Variants in ZNF362 observed in about 807,000 individuals in gnomAD.
The protein encoded by ZNF362 is zinc finger protein 362, also known as rotund homolog.
Under a neutral mutation model 42.9 loss-of-function variants are expected in ZNF362, and 11 were observed. The observed-to-expected ratio is 0.26, with a 90% CI of 0.16 to 0.42. ZNF362 has a LOEUF of 0.42. ZNF362 is among the 20% of genes least tolerant of loss of function. ZNF362 has a pLI of 1.00. For synonymous variants in ZNF362, 255 were observed against 257.3 expected (o/e 0.99, Z 0.09); for missense variants, 362 against 576.2 (o/e 0.63, Z 3.81).
chr1:33,147,086 C>T, the ZNF362 span: 26 of 1,450,646 alleles, frequency 1.8e-5, no homozygotes, highest in East Asian at 1.8e-4. This position sits in a 1 kb window ranked among gnomAD's most constrained non-coding sequence, Gnocchi z 8.1. Flanking sequence ...CCAGTGGCCA[C>T]GGTGGGCTGG....
the ZNF362 span, among the ~76,000 whole-genome samples, chr1:33,207,654 G>C: frequency 1.3e-5 from 2 of 152,212 alleles, no homozygotes; most frequent in East Asian, 3.8e-4. Flanking sequence ...TAACTGGCGT[G>C]AGATGGTATC....
At chr1:33,275,404 GC>G in intron 2 of ZNF362, 1 of 984,916 alleles carries the variant, frequency 1.0e-6, no homozygotes, top group Non-Finnish European at 1.2e-6. Context: ...AGCCTCTTCA[GC>G]CCCCTCCATA....
At chr1:33,271,661 T>C (rs995310056) in intron 2 of ZNF362, among the ~76,000 whole-genome samples, 19 of 152,066 alleles carry the variant, frequency 1.2e-4, no homozygotes, top group African/African-American at 4.3e-4. Context: ...CCTGAGGACA[T>C]GGCTGAGATG....
the ZNF362 span, among the ~76,000 whole-genome samples, chr1:33,167,474 C>T: frequency 6.6e-6 from 1 of 152,192 alleles, no homozygotes; most frequent in Non-Finnish European, 1.5e-5. The surrounding 1 kb of genome is among the most constrained non-coding windows in gnomAD (Gnocchi z 4.2). Context: ...ATTGTATTAT[C>T]GCCAGTTGTT....
chr1:33,247,285 CT>C, the ZNF362 span, among the ~76,000 whole-genome samples: 4 of 152,198 alleles, frequency 2.6e-5, no homozygotes, highest in Non-Finnish European at 4.4e-5. Flanking sequence ...CAAGTATTGA[CT>C]TCATTTTATT....
chr1:33,223,144 A>G, the ZNF362 span, among the ~76,000 whole-genome samples: 2 of 152,026 alleles, frequency 1.3e-5, no homozygotes, highest in South Asian at 2.1e-4. Context: ...CCAGCTACTC[A>G]GGAGGCTGAG....
At chr1:33,142,466 A>G in the ZNF362 span, 2 of 152,224 alleles carry the variant, frequency 1.3e-5, no homozygotes, top group Admixed American at 6.5e-5. Flanking sequence ...AGACTTACAG[A>G]ATCCTGGACC....
At position 33,270,557 on chromosome 1, in the gene ZNF362, T is replaced by G; in HGVS notation, c.-18T>G. On this transcript the variant is annotated 5_prime_UTR_variant, in exon 2 of 9. Transcript: ENST00000539719. ...AAAGCTCCGTAGAAGAGGGAACACT[T>G]GAGCTGGGTCTTGAAGGATGAGTAG... The G allele has an allele frequency of 1.1e-3, 1,677 of 1,534,332 alleles. No individual in the cohort carries two copies. The highest frequency in any genetic ancestry group is 1.4e-3 in the Non-Finnish European group (1,536 of 1,107,982).
intron 6 of ZNF362, among the ~76,000 whole-genome samples, chr1:33,288,314 A>T (rs1416641713): frequency 6.6e-6 from 1 of 152,162 alleles, no homozygotes; most frequent in Non-Finnish European, 1.5e-5. Flanking sequence ...GCACTTGGGG[A>T]TGGCAGTGCC....
the ZNF362 span, chr1:33,147,669 G>C: frequency 1.9e-6 from 3 of 1,613,860 alleles, no homozygotes; most frequent in Non-Finnish European, 2.5e-6. The surrounding 1 kb of genome is among the most constrained non-coding windows in gnomAD (Gnocchi z 8.1). Flanking sequence ...TGGTGCAGTC[G>C]TCCGACAGGA....
At chr1:33,188,383 A>G in the ZNF362 span, among the ~76,000 whole-genome samples, 1 of 152,238 alleles carries the variant, frequency 6.6e-6, no homozygotes, top group Non-Finnish European at 1.5e-5. Flanking sequence ...AGTGAATAAC[A>G]TGGTCATGTG....
chr1:33,180,937 G>T, the ZNF362 span: 1 of 915,180 alleles, frequency 1.1e-6, no homozygotes, highest in Non-Finnish European at 1.5e-6. Context: ...ACTGGGCCTG[G>T]CCCGCGGTCC....
At chr1:33,136,222 CCTTT>C in the ZNF362 span, among the ~76,000 whole-genome samples, 2 of 149,998 alleles carry the variant, frequency 1.3e-5, no homozygotes, top group African/African-American at 2.4e-5. Context: ...TTCCTTCCCT[CCTTT>C]CTTTCTCTTT....
At chr1:33,238,432 A>G in the ZNF362 span, among the ~76,000 whole-genome samples, 1 of 151,816 alleles carries the variant, frequency 6.6e-6, no homozygotes, top group African/African-American at 2.4e-5. Context: ...GCTTCAAACT[A>G]AAAAATAAAA....
chr1:33,150,014 C>G, the ZNF362 span, among the ~76,000 whole-genome samples: 1 of 152,182 alleles, frequency 6.6e-6, no homozygotes, highest in African/African-American at 2.4e-5. Context: ...GCTGGCCACA[C>G]CGGCTTAGCA....
chr1:33,221,206 T>TC, the ZNF362 span, among the ~76,000 whole-genome samples: 8,488 of 152,164 alleles, frequency 0.056, 465 homozygotes, highest in African/African-American at 0.14. Flanking sequence ...TATCAATCCC[T>TC]CCGGAATGTA....
At chr1:33,167,306 A>T in the ZNF362 span, among the ~76,000 whole-genome samples, 3 of 152,152 alleles carry the variant, frequency 2.0e-5, no homozygotes, top group Admixed American at 6.6e-5. This position sits in a 1 kb window ranked among gnomAD's most constrained non-coding sequence, Gnocchi z 4.2. Context: ...TCCTCACTAG[A>T]ATGTGAGTTT....
upstream of ZNF362, among the ~76,000 whole-genome samples, chr1:33,255,391 T>C (rs1645780013): frequency 6.6e-6 from 1 of 152,200 alleles, no homozygotes; most frequent in Non-Finnish European, 1.5e-5. Flanking sequence ...GTGCGCTCCC[T>C]GAGGGCAGGG....
At chr1:33,220,548 A>T in the ZNF362 span, among the ~76,000 whole-genome samples, 1 of 152,022 alleles carries the variant, frequency 6.6e-6, no homozygotes, top group Non-Finnish European at 1.5e-5. Flanking sequence ...GGACTATGTC[A>T]TGCACCCACC....
Sources: allele counts gnomAD v4.1 joint callset (sites outside exome capture counted in the v4.1 genomes callset), GRCh38; gene constraint gnomAD v4.1.1; non-coding constraint Gnocchi (gnomAD v3.1); transcripts MANE v1.5; gene names NCBI Gene and HGNC (gene_info 2026-07-23, HGNC 2026-07-21).